ACOX3: variants seen among roughly 807,000 people sequenced by gnomAD.
ACOX3 encodes the protein acyl-CoA oxidase 3, pristanoyl.
A neutral mutation model predicts 81.5 loss-of-function variants in ACOX3; 73 were observed. The observed-to-expected ratio is 0.90, with a 90% CI of 0.74 to 1.09. The LOEUF (loss-of-function observed/expected upper bound fraction) is 1.09, where lower values mean the gene tolerates loss of function less well. Among genes scored for constraint, ACOX3 ranks in the 50% least tolerant of loss-of-function variants. The pLI, the probability that ACOX3 is intolerant of heterozygous loss-of-function variation, is 0.00. For missense variants in ACOX3, 947 were observed against 928.0 expected (o/e 1.02, Z -0.27); for synonymous variants, 387 against 375.1 (o/e 1.03, Z -0.37).
chr4:8,427,721 C>A (rs571306802), intron 1 of ACOX3, among the ~76,000 whole-genome samples: 4 of 152,334 alleles, frequency 2.6e-5, no homozygotes, highest in South Asian at 4.1e-4. Context: ...AGCCTTGCTG[C>A]CATTGGGACC....
At chr4:8,366,077 T>C (rs888369426), downstream of ACOX3, among the ~76,000 whole-genome samples, 2 of 152,094 alleles carry the variant, frequency 1.3e-5, no homozygotes, top group African/African-American at 4.8e-5. Context: ...AGGACCCAGA[T>C]GCAAAGACAG....
In ACOX3 at chr4:8,416,006, A is replaced by G. The variant is rs772165415; in HGVS notation, c.145-7T>C. 3.1e-6 allele frequency: 5 copies of G among 1,612,384 alleles called. No individual in the cohort carries two copies. Among genetic ancestry groups the G allele is most frequent in the Non-Finnish European group, 4.2e-6 (5 of 1,178,524 alleles). On this transcript the variant is annotated splice_polypyrimidine_tract_variant and splice_region_variant and intron_variant, in intron 2 of 17. Transcript: ENST00000356406. This position sits in a 1 kb window ranked among gnomAD's most constrained non-coding sequence, Gnocchi z 4.2. ...GAGCTGAGAAGATGGTTTTCTGGAAATGCAGGAGATGGGTAAGGCTTATTT... is the reference window on the plus strand; with the variant it reads ...GAGCTGAGAAGATGGTTTTCTGGAAGTGCAGGAGATGGGTAAGGCTTATTT...
In ACOX3 at chr4:8,389,461, T is replaced by C. The variant is rs368490039; in HGVS notation, c.1423+151A>G. Reference sequence around the variant, plus strand: ...CCCACCCCAGCCTTTGCCCATGCCTTGGGGAGTTGGTCGGCACTATCTAAT... The same window carrying C: ...CCCACCCCAGCCTTTGCCCATGCCTCGGGGAGTTGGTCGGCACTATCTAAT... On this transcript the variant is annotated intron_variant, in intron 12 of 17. Transcript: ENST00000356406. This position sits in a 1 kb window ranked among gnomAD's most constrained non-coding sequence, Gnocchi z 5.3. The C allele has an allele frequency of 6.5e-5, 90 of 1,377,668 alleles. No homozygotes were observed. In the East Asian group the frequency reaches 7.4e-4, roughly 11 times the overall value. The allele number at this position is 1,377,668 out of a possible 1,614,324, so 85.3% of individuals were successfully genotyped here. A position where few individuals can be genotyped will look rare whatever the true frequency, so the allele number is the denominator to read the frequency against.
rs1723932875 is a variant in ACOX3, at chr4:8,431,196, C to T, written c.-15+9452G>A. On this transcript the variant is annotated intron_variant, in intron 1 of 17. Transcript: ENST00000356406. The surrounding 1 kb of genome is among the most constrained non-coding windows in gnomAD (Gnocchi z 5.3). ...CCTTCTCTGCCTGTCCCTTTTCACC[C>T]TCCTCTTTTCACACTTGTCTTCCTC... Among the ~76,000 whole-genome samples, 1 of 152,186 alleles carries T rather than the reference C, an allele frequency of 6.6e-6. No individual in the cohort carries two copies. Among genetic ancestry groups the T allele is most frequent in the Non-Finnish European group, 1.5e-5 (1 of 68,030 alleles).
chr4:8,372,856 C>G (rs1716391823), intron 16 of ACOX3, among the ~76,000 whole-genome samples: 1 of 152,218 alleles, frequency 6.6e-6, no homozygotes, highest in Admixed American at 6.5e-5. Flanking sequence ...CACAGTGGCC[C>G]TGCCCACCGC....
At chr4:8,428,678 C>T (rs965055030) in intron 1 of ACOX3, among the ~76,000 whole-genome samples, 2 of 152,260 alleles carry the variant, frequency 1.3e-5, no homozygotes, top group African/African-American at 2.4e-5. Flanking sequence ...GCTGCCCTCT[C>T]GGAGCGCCGT....
At chr4:8,415,244 G>C (rs576465221) in intron 3 of ACOX3, among the ~76,000 whole-genome samples, 132 of 152,256 alleles carry the variant, frequency 8.7e-4, no homozygotes, top group Middle Eastern at 3.4e-3. Flanking sequence ...AGGAGTCCTG[G>C]GGGTCTGAGG....
Position 8,381,950 on chromosome 4 carries a change from G to A in ACOX3, c.1538-343C>T, listed in dbSNP as rs111879117. Among the ~76,000 whole-genome samples, 86 of 152,346 alleles carry A rather than the reference G, an allele frequency of 5.6e-4. No individual in the cohort carries two copies. The highest frequency in any genetic ancestry group is 2.0e-3 in the African/African-American group (82 of 41,590). ...GCACGTTCTCGCACGCACCAGGCTC[G>A]GTCTGTGTGAAGCGTGGTGCTGCCT... On this transcript the variant is annotated intron_variant, in intron 13 of 17. Transcript: ENST00000356406. This position sits in a 1 kb window ranked among gnomAD's most constrained non-coding sequence, Gnocchi z 4.3.
In ACOX3 at chr4:8,402,610, G is replaced by A. The variant is rs561625449; in HGVS notation, c.777-2958C>T. On this transcript the variant is annotated intron_variant, in intron 7 of 17. Coordinates refer to ENST00000356406, the MANE Select transcript of ACOX3 (RefSeq NM_003501.3). Reference sequence around the variant, plus strand: ...GTTTCAAAGGAAAGCAAACTTCCACGAATTCTCAGGGGATCCCTTCTGTTC... The same window carrying A: ...GTTTCAAAGGAAAGCAAACTTCCACAAATTCTCAGGGGATCCCTTCTGTTC... Among the ~76,000 whole-genome samples the A allele has an allele frequency of 8.5e-5, 13 of 152,274 alleles. No individual in the cohort carries two copies. In the East Asian group the frequency reaches 1.7e-3, roughly 20 times the overall value.
the ACOX3 span, chr4:8,357,499 C>G: frequency 9.2e-6 from 3 of 325,698 alleles, no homozygotes; most frequent in South Asian, 7.7e-5. Flanking sequence ...TCTACATTAC[C>G]AAAATAGTAC....
chr4:8,367,093 C>A lies in ACOX3; in HGVS notation c.1984-13G>T. The A allele has an allele frequency of 1.2e-6, 2 of 1,612,560 alleles. No homozygotes were observed. The highest frequency in any genetic ancestry group is 1.1e-5 in the South Asian group (1 of 90,978). On this transcript the variant is annotated splice_polypyrimidine_tract_variant and intron_variant, in intron 17 of 17. Coordinates refer to ENST00000356406, the MANE Select transcript of ACOX3 (RefSeq NM_003501.3). ...GGTTTTTGTAGAGCTGCAAACAACA[C>A]GTACACAGCAAGTGAAGACAAAGAA...
chr4:8,426,804 A>G (rs1723532588), intron 1 of ACOX3, among the ~76,000 whole-genome samples: 1 of 152,050 alleles, frequency 6.6e-6, no homozygotes, highest in Admixed American at 6.6e-5. Flanking sequence ...ATGTTCTTCA[A>G]ATGGAGCCCC....
Position 8,414,409 on chromosome 4 carries a change from A to G in ACOX3, c.454-28T>C. The G allele has an allele frequency of 6.3e-7, 1 of 1,592,424 alleles. No homozygotes were observed. Among genetic ancestry groups the G allele is most frequent in the Non-Finnish European group, 8.6e-7 (1 of 1,160,252 alleles). On this transcript the variant is annotated intron_variant, in intron 4 of 17. Transcript: ENST00000356406. The surrounding 1 kb of genome is among the most constrained non-coding windows in gnomAD (Gnocchi z 6.1). ...AAATGTCAAAGCACAAAATGATGGA[A>G]AGCAAGAAAAGTTCTTTGTGCACAT...
rs1031282521 is a variant in ACOX3, at chr4:8,437,276, C to T, written c.-15+3372G>A. ...TGTTAGCTGTGACCAAGGAACAAAACAGGAAAGAGCAAAAGCAACAAGTGC... is the reference window on the plus strand; with the variant it reads ...TGTTAGCTGTGACCAAGGAACAAAATAGGAAAGAGCAAAAGCAACAAGTGC... On this transcript the variant is annotated intron_variant, in intron 1 of 17. Transcript: ENST00000356406. This position sits in a 1 kb window ranked among gnomAD's most constrained non-coding sequence, Gnocchi z 5.2. 1.3e-5 allele frequency among the ~76,000 whole-genome samples: 2 copies of T among 151,602 alleles called. No homozygotes were observed. Among genetic ancestry groups the T allele is most frequent in the African/African-American group, 4.8e-5 (2 of 41,270 alleles).
In ACOX3 at chr4:8,425,815, G is replaced by C. The variant is rs7672982; in HGVS notation, c.-14-9280C>G. Among the ~76,000 whole-genome samples the C allele has an allele frequency of 6.5e-3, 988 of 152,120 alleles. 8 individuals are homozygous for C. Among genetic ancestry groups the C allele is most frequent in the African/African-American group, 0.023 (936 of 41,466 alleles). ...AATTCCCAGATTCGGACTTCCCTGA[G>C]ACTTACAGAGTGACAATGGCCCCGC... is the stretch of plus-strand genomic sequence containing the variant. On this transcript the variant is annotated intron_variant, in intron 1 of 17. Transcript: ENST00000356406.
At position 8,367,040 on chromosome 4, in the gene ACOX3, T is replaced by C. The variant is rs114674691; in HGVS notation, c.2024A>G (p.Lys675Arg). The change falls in exon 18 of 18, where the codon AAG (lysine) becomes AGG (arginine). Residue 675 changes from lysine to arginine, a missense_variant. Coordinates refer to ENST00000356406, the MANE Select transcript of ACOX3 (RefSeq NM_003501.3). ...CCACCAGGATGCCCGCTCCAACACC[T>C]TGCTTTCCTGCAGGACAGCGCCCCA... ...NLWGAVLQES[K>R]VLERASWWPE... 20 of 1,614,068 alleles carry C rather than the reference T, an allele frequency of 1.2e-5. 2 individuals carry two copies. In the Middle Eastern group the frequency reaches 8.3e-4, roughly 67 times the overall value.
At chr4:8,408,904 TGGGGG>T (rs1560193656) in intron 6 of ACOX3, among the ~76,000 whole-genome samples, 1 of 30,538 alleles carries the variant, frequency 3.3e-5, no homozygotes, top group African/African-American at 1.9e-4. Flanking sequence ...GGGGGGGGGG[TGGGGG>T]GGGGGTGGGG....
chr4:8,381,688 A>T lies in ACOX3; in HGVS notation c.1538-81T>A. ...CACAACTCACCCCCAGGGACAAGGC[A>T]CTGCCAGCATCCTGCAGGTACCAGG... is the stretch of plus-strand genomic sequence containing the variant. On this transcript the variant is annotated intron_variant, in intron 13 of 17. Coordinates refer to ENST00000356406, the MANE Select transcript of ACOX3 (RefSeq NM_003501.3). The surrounding 1 kb of genome is among the most constrained non-coding windows in gnomAD (Gnocchi z 4.3). The T allele has an allele frequency of 9.5e-7, 1 of 1,055,884 alleles. No individual in the cohort carries two copies. The highest frequency in any genetic ancestry group is 1.4e-6 in the Non-Finnish European group (1 of 699,976). The allele number at this position is 1,055,884 out of a possible 1,614,324, so 65.4% of individuals were successfully genotyped here.
chr4:8,431,404 G>A lies in ACOX3; in HGVS notation c.-15+9244C>T, dbSNP rs1314975015. 1.3e-5 allele frequency among the ~76,000 whole-genome samples: 2 copies of A among 152,128 alleles called. No individual in the cohort carries two copies. The highest frequency in any genetic ancestry group is 2.4e-5 in the African/African-American group (1 of 41,428). ...CACGCTGTAGCACTCTCCATCCACCGTGCTCCCCTCCTGGGCCTGAGGACA... is the reference window on the plus strand; with the variant it reads ...CACGCTGTAGCACTCTCCATCCACCATGCTCCCCTCCTGGGCCTGAGGACA... On this transcript the variant is annotated intron_variant, in intron 1 of 17. Transcript: ENST00000356406. The surrounding 1 kb of genome is among the most constrained non-coding windows in gnomAD (Gnocchi z 5.3).
Sources: gnomAD v4.1 joint callset for allele counts (sites outside exome capture counted in the v4.1 genomes callset) on GRCh38, gnomAD v4.1.1 for gene constraint, Gnocchi (gnomAD v3.1) non-coding constraint, MANE v1.5 for transcripts, NCBI Gene and HGNC (gene_info 2026-07-23, HGNC 2026-07-21) for gene names.